The following HMG20A variants were observed in gnomAD, a reference collection of about 807,000 sequenced individuals.
The protein encoded by HMG20A is high mobility group protein 20A.
Under a neutral mutation model 43.9 loss-of-function variants are expected in HMG20A, and 17 were observed. The ratio of observed to expected loss-of-function variants is 0.39; its 90% confidence interval spans 0.27 to 0.58. The LOEUF (loss-of-function observed/expected upper bound fraction) is 0.58, where lower values mean the gene tolerates loss of function less well. Among genes scored for constraint, HMG20A ranks in the 20% least tolerant of loss-of-function variants. The pLI is 0.59. For missense variants in HMG20A, 341 were observed against 438.2 expected, an observed-to-expected ratio of 0.78 and a Z score of 1.98; for synonymous variants, 132 against 147.5, an observed-to-expected ratio of 0.89 and a Z score of 0.76.
At chr15:77,492,444 G>T in the HMG20A span, among the ~76,000 whole-genome samples, 4 of 152,228 alleles carry the variant, frequency 2.6e-5, no homozygotes, top group East Asian at 7.7e-4. Flanking sequence ...CCATTATTGT[G>T]GTCCTTAGCA....
intron 7 of HMG20A, chr15:77,478,076 A>G (rs2072872289): frequency 1.7e-6 from 1 of 581,514 alleles, no homozygotes; most frequent in African/African-American, 1.9e-5. Context: ...TTGCAATCTT[A>G]TGTATGGAAT....
chr15:77,487,863 GC>G (rs2072953879), downstream of HMG20A, among the ~76,000 whole-genome samples: 1 of 152,090 alleles, frequency 6.6e-6, no homozygotes, highest in South Asian at 2.1e-4. Flanking sequence ...ATGGATATAA[GC>G]AGTAGTTTAT....
the HMG20A span, among the ~76,000 whole-genome samples, chr15:77,491,935 T>G: frequency 6.6e-6 from 1 of 152,220 alleles, no homozygotes; most frequent in Non-Finnish European, 1.5e-5. Flanking sequence ...GGGTTTTAGC[T>G]TTTGTTTTGC....
At chr15:77,497,160 CT>C in the HMG20A span, among the ~76,000 whole-genome samples, 1 of 152,232 alleles carries the variant, frequency 6.6e-6, no homozygotes, top group Non-Finnish European at 1.5e-5. Context: ...GGATTCCCTC[CT>C]TCTAGCTGGC....
chr15:77,424,763 A>G (rs1416807077), intron 1 of HMG20A, among the ~76,000 whole-genome samples: 2 of 152,160 alleles, frequency 1.3e-5, no homozygotes, highest in Admixed American at 6.5e-5. Context: ...TGATTAGAAG[A>G]TATACAAAAT....
intron 1 of HMG20A, among the ~76,000 whole-genome samples, chr15:77,431,324 G>A (rs2073482571): frequency 6.6e-6 from 1 of 152,068 alleles, no homozygotes; most frequent in Non-Finnish European, 1.5e-5. Flanking sequence ...CGATTCTCCT[G>A]CCTCAGCCTT....
chr15:77,510,608 C>T, the HMG20A span, among the ~76,000 whole-genome samples: 1 of 152,228 alleles, frequency 6.6e-6, no homozygotes, highest in African/African-American at 2.4e-5. Flanking sequence ...CAGCCTCCTG[C>T]CTGACCATGC....
chr15:77,453,521 C>T (rs2072624176), intron 1 of HMG20A, among the ~76,000 whole-genome samples: 1 of 152,150 alleles, frequency 6.6e-6, no homozygotes, highest in Non-Finnish European at 1.5e-5. Flanking sequence ...GTTTGATTTT[C>T]TCAAAATATT....
At chr15:77,452,149 G>C (rs1002222770) in intron 1 of HMG20A, among the ~76,000 whole-genome samples, 4 of 152,188 alleles carry the variant, frequency 2.6e-5, no homozygotes, top group Non-Finnish European at 2.9e-5. Flanking sequence ...CAGTTGAGGG[G>C]TATGGTGTGG....
At position 77,443,370 on chromosome 15, in the gene HMG20A, G is replaced by GATTATT. The variant is rs1491137059; in HGVS notation, c.-4-15032_-4-15031insTATTAT. ...TATTTTTTATGATGATGATGATGAT[G>GATTATT]ATGATGATGATTATTATTATTATTA... On this transcript the variant is annotated intron_variant, in intron 1 of 9. Coordinates refer to ENST00000336216, the MANE Select transcript of HMG20A (RefSeq NM_001304504.2). 2.1e-3 allele frequency among the ~76,000 whole-genome samples: 259 copies of GATTATT among 124,778 alleles called. 1 individual carries two copies. Among genetic ancestry groups the GATTATT allele is most frequent in the Admixed American group, 4.1e-3 (47 of 11,454 alleles). 81.9% of individuals were successfully genotyped at this position (124,778 alleles called of 152,430 possible).
At chr15:77,428,489 C>T (rs922865659) in intron 1 of HMG20A, among the ~76,000 whole-genome samples, 1 of 151,870 alleles carries the variant, frequency 6.6e-6, no homozygotes, top group African/African-American at 2.4e-5. Context: ...ACATTCAAAG[C>T]ATATCAGCAA....
chr15:77,432,688 C>G (rs1257314007), intron 1 of HMG20A, among the ~76,000 whole-genome samples: 1 of 144,490 alleles, frequency 6.9e-6, no homozygotes, highest in Non-Finnish European at 1.5e-5. Context: ...CGCCATTGCA[C>G]TCCAACCTGG....
chr15:77,437,596 A>G (rs956947365), intron 1 of HMG20A, among the ~76,000 whole-genome samples: 3 of 152,056 alleles, frequency 2.0e-5, no homozygotes, highest in African/African-American at 7.2e-5. Flanking sequence ...TTTGAGACGG[A>G]GTTTCACTCT....
At chr15:77,423,306 A>G (rs937236) in intron 1 of HMG20A, among the ~76,000 whole-genome samples, 150,110 of 152,194 alleles carry the variant, frequency 0.99, 74,060 homozygotes, top group East Asian at 1. Context: ...AAATAGAGAG[A>G]GAAGGTCCAT....
At chr15:77,488,786 A>G (rs777886699), downstream of HMG20A, among the ~76,000 whole-genome samples, 1 of 152,250 alleles carries the variant, frequency 6.6e-6, no homozygotes, top group Non-Finnish European at 1.5e-5. Flanking sequence ...AATTAAAATG[A>G]GAAACTATCA....
chr15:77,444,806 C>A (rs1273028962), intron 1 of HMG20A, among the ~76,000 whole-genome samples: 1 of 152,134 alleles, frequency 6.6e-6, no homozygotes, highest in Non-Finnish European at 1.5e-5. Flanking sequence ...CTGAGTTTTT[C>A]AATTTATTTC....
chr15:77,488,244 ACCAT>A (rs1444935993), downstream of HMG20A, among the ~76,000 whole-genome samples: 3 of 152,206 alleles, frequency 2.0e-5, no homozygotes, highest in Admixed American at 2.0e-4. Flanking sequence ...ACACACACAC[ACCAT>A]CCAACACTTA....
intron 1 of HMG20A, among the ~76,000 whole-genome samples, chr15:77,439,023 T>C (rs752566335): frequency 6.6e-6 from 1 of 151,788 alleles, no homozygotes; most frequent in East Asian, 1.9e-4. Context: ...TCGATCTCCT[T>C]ACCTCGTGAT....
In HMG20A at chr15:77,485,218, G is replaced by C. The variant is rs1334688007; in HGVS notation, c.*2255G>C. 6.6e-6 allele frequency: 1 copy of C among 152,650 alleles called. No homozygotes were observed. The highest frequency in any genetic ancestry group is 1.5e-5 in the Non-Finnish European group (1 of 68,048). 9.5% of individuals were successfully genotyped at this position (152,650 alleles called of 1,614,324 possible). On this transcript the variant is annotated 3_prime_UTR_variant, in exon 10 of 10. Transcript: ENST00000336216. ...CTGTCAGTATCTATAGACCAGGTCT[G>C]TGCCACCTCCTCTCTCCTCTGTGCT...
Sources: allele counts gnomAD v4.1 joint callset (sites outside exome capture counted in the v4.1 genomes callset), GRCh38; gene constraint gnomAD v4.1.1; transcripts MANE v1.5; gene names NCBI Gene and HGNC (gene_info 2026-07-23, HGNC 2026-07-21).